VPS45: variants seen among roughly 807,000 people sequenced by gnomAD.
The protein encoded by VPS45 is vacuolar protein sorting-associated protein 45.
A neutral mutation model predicts 75.9 loss-of-function variants in VPS45; 35 were observed. The observed-to-expected ratio is 0.46, with a 90% CI of 0.35 to 0.61. The LOEUF (loss-of-function observed/expected upper bound fraction) is 0.61, where lower values mean the gene tolerates loss of function less well. Ranked by LOEUF, VPS45 falls within the 20% of genes least tolerant of loss-of-function variation. The pLI, the probability that VPS45 is intolerant of heterozygous loss-of-function variation, is 0.00. For synonymous variants in VPS45, 220 were observed against 238.2 expected (o/e 0.92, Z 0.70); for missense variants, 559 against 685.9 (o/e 0.81, Z 2.07).
chr1:150,129,184 C>T (rs1218408164), intron 14 of VPS45, among the ~76,000 whole-genome samples: 3 of 152,066 alleles, frequency 2.0e-5, no homozygotes, highest in African/African-American at 4.8e-5. Flanking sequence ...AAGACATGTT[C>T]TGTATCTTTA....
chr1:150,072,035 ATAAGCACACT>A (rs1655102039), intron 2 of VPS45, 121 bp from the exon 3 acceptor site: 3 of 529,740 alleles, frequency 5.7e-6, no homozygotes, highest in Non-Finnish European at 9.7e-6. Context: ...ACCCACCAAC[ATAAGCACACT>A]TAACCTAGAC....
chr1:150,080,864 A>G lies in VPS45; in HGVS notation c.688-478A>G, dbSNP rs1322190608. ...AATATCCCAGTGTTTTGATCAACTC[A>G]CAAGGTTTTTCTGATAATATTAGTG... On this transcript the variant is annotated intron_variant, in intron 7 of 14. Transcript: ENST00000644510. Among the ~76,000 whole-genome samples, 4 of 152,222 alleles carry G rather than the reference A, an allele frequency of 2.6e-5. 1 individual carries two copies. Among genetic ancestry groups the G allele is most frequent in the Non-Finnish European group, 5.9e-5 (4 of 68,040 alleles).
intron 13 of VPS45, among the ~76,000 whole-genome samples, chr1:150,102,666 T>C (rs1414221589): frequency 7.2e-5 from 11 of 151,968 alleles, no homozygotes; most frequent in African/African-American, 2.7e-4. Context: ...AATGTACATA[T>C]ACACCATGGA....
Position 150,093,587 on chromosome 1 carries a change from A to T in VPS45, c.1432A>T (p.Ile478Phe). The change falls in exon 13 of 15, where the codon ATC (isoleucine) becomes TTC (phenylalanine). Residue 478 changes from isoleucine to phenylalanine, a missense_variant. Transcript: ENST00000644510. ...PFLHETLDHL[I>F]KGRLKENLYP... ...CCTACATGAAACCCTGGATCATCTC[A>T]TCAAAGGAAGGCTTAAGGAAAACCT... 6.2e-7 allele frequency: 1 copy of T among 1,613,458 alleles called. No homozygotes were observed.
chr1:150,113,788 C>T (rs1328286597), intron 14 of VPS45, among the ~76,000 whole-genome samples: 3 of 151,834 alleles, frequency 2.0e-5, no homozygotes, highest in Non-Finnish European at 4.4e-5. Flanking sequence ...CCCAGCTACT[C>T]AGGAGGCTGA....
intron 13 of VPS45, among the ~76,000 whole-genome samples, chr1:150,097,018 C>T (rs1315637861): frequency 1.3e-5 from 2 of 150,762 alleles, no homozygotes; most frequent in Non-Finnish European, 3.0e-5. Context: ...AATGACATAA[C>T]TCCTCACGGG....
At chr1:150,115,329 A>G (rs1222279100) in intron 14 of VPS45, among the ~76,000 whole-genome samples, 2 of 152,146 alleles carry the variant, frequency 1.3e-5, no homozygotes, top group African/African-American at 2.4e-5. Context: ...TAATTTGTCT[A>G]CTAAGTCCAC....
intron 10 of VPS45, among the ~76,000 whole-genome samples, chr1:150,084,728 A>G (rs925947822): frequency 3.9e-5 from 6 of 152,172 alleles, no homozygotes; most frequent in Non-Finnish European, 7.4e-5. Flanking sequence ...TTTTGGACCC[A>G]GACTGGCTTG....
intron 7 of VPS45, among the ~76,000 whole-genome samples, chr1:150,078,389 G>A (rs782035036): frequency 5.3e-5 from 8 of 152,138 alleles, no homozygotes; most frequent in Non-Finnish European, 8.8e-5. Flanking sequence ...TGCTTTTACT[G>A]TGACTGCTTT....
intron 10 of VPS45, among the ~76,000 whole-genome samples, chr1:150,084,926 C>T (rs1056135034): frequency 6.6e-6 from 1 of 151,736 alleles, no homozygotes; most frequent in Non-Finnish European, 1.5e-5. Context: ...TTTTTTTTTA[C>T]ACATAGTGCA....
chr1:150,101,025 T>C (rs1379809285), intron 13 of VPS45, among the ~76,000 whole-genome samples: 1 of 152,032 alleles, frequency 6.6e-6, no homozygotes, highest in Non-Finnish European at 1.5e-5. Flanking sequence ...CTCATTAAAA[T>C]GTGGAAGGCC....
At chr1:150,122,506 G>C (rs1658288151) in intron 14 of VPS45, among the ~76,000 whole-genome samples, 1 of 152,032 alleles carries the variant, frequency 6.6e-6, no homozygotes, top group Non-Finnish European at 1.5e-5. Context: ...AATACCTGGG[G>C]CTGTTCCTGG....
chr1:150,124,786 T>G (rs1320412155), intron 14 of VPS45, among the ~76,000 whole-genome samples: 1 of 151,406 alleles, frequency 6.6e-6, no homozygotes, highest in Non-Finnish European at 1.5e-5. Flanking sequence ...TTTGAACTCC[T>G]GACCTCAAGT....
chr1:150,127,882 T>C (rs1158249140), intron 14 of VPS45, among the ~76,000 whole-genome samples: 1 of 152,228 alleles, frequency 6.6e-6, no homozygotes, highest in Non-Finnish European at 1.5e-5. Context: ...CTAAGAAATA[T>C]TGTAAACCAA....
intron 7 of VPS45, 122 bp from the exon 8 acceptor site, chr1:150,081,220 T>A (rs998534250): frequency 8.1e-6 from 8 of 983,486 alleles, no homozygotes; most frequent in Middle Eastern, 2.9e-4. Context: ...AAAATTTAAC[T>A]CGAGAATCTT....
intron 14 of VPS45, among the ~76,000 whole-genome samples, chr1:150,112,839 C>T (rs1385907317): frequency 6.6e-6 from 1 of 152,114 alleles, no homozygotes; most frequent in Non-Finnish European, 1.5e-5. Context: ...CTCAGGAAAC[C>T]ACTTTACTGC....
At chr1:150,138,910 A>G (rs1261483835) in intron 14 of VPS45, among the ~76,000 whole-genome samples, 2 of 152,144 alleles carry the variant, frequency 1.3e-5, no homozygotes, top group African/African-American at 4.8e-5. Context: ...GCAAAAAAAA[A>G]CTTGGCATTT....
intron 5 of VPS45, 32 bp downstream of exon 5, chr1:150,077,016 A>G (rs587776163): frequency 1.2e-5 from 19 of 1,613,898 alleles, no homozygotes; most frequent in Non-Finnish European, 1.5e-5. Context: ...TTATCAGTCG[A>G]GAGTTAATTC....
intron 14 of VPS45, among the ~76,000 whole-genome samples, chr1:150,139,703 A>G (rs1659284852): frequency 1.3e-5 from 2 of 152,052 alleles, no homozygotes. Context: ...ACAGGTGTGC[A>G]CCACAATGCT....
Sources: allele counts gnomAD v4.1 joint callset (sites outside exome capture counted in the v4.1 genomes callset), GRCh38; gene constraint gnomAD v4.1.1; transcripts MANE v1.5; gene names NCBI Gene and HGNC (gene_info 2026-07-23, HGNC 2026-07-21).